CDH13: variants seen among roughly 807,000 people sequenced by gnomAD.
CDH13 encodes cadherin-13.
CDH13 carries 24 observed loss-of-function variants against 63.8 expected under a neutral mutation model. The observed-to-expected ratio is 0.38, with a 90% CI of 0.27 to 0.53. The LOEUF (loss-of-function observed/expected upper bound fraction) is 0.53, where lower values mean the gene tolerates loss of function less well. Ranked by LOEUF, CDH13 falls within the 20% of genes least tolerant of loss-of-function variation. CDH13 has a pLI of 0.85. For missense variants in CDH13, 1,049 were observed against 903.1 expected, an observed-to-expected ratio of 1.16 and a Z score of -2.07; for synonymous variants, 503 against 355.3, an observed-to-expected ratio of 1.42 and a Z score of -4.67.
chr16:83,186,504 C>T (rs1411001284), intron 4 of CDH13, among the ~76,000 whole-genome samples: 3 of 151,932 alleles, frequency 2.0e-5, no homozygotes, highest in African/African-American at 7.3e-5. Flanking sequence ...TTGAGGTTCT[C>T]TTGTGTTGCT....
At chr16:83,309,145 G>A (rs1191311002) in intron 5 of CDH13, among the ~76,000 whole-genome samples, 1 of 152,112 alleles carries the variant, frequency 6.6e-6, no homozygotes, top group Non-Finnish European at 1.5e-5. Context: ...ATGTACATGA[G>A]CCTCATTAGC....
At chr16:83,670,707 G>C in intron 8 of CDH13, 83 bp from the exon 9 acceptor site, 2 of 1,162,476 alleles carry the variant, frequency 1.7e-6, no homozygotes, top group Non-Finnish European at 2.6e-6. Flanking sequence ...GAGATGATGT[G>C]TGTAACATAC....
intron 7 of CDH13, among the ~76,000 whole-genome samples, chr16:83,565,601 G>C (rs1037833459): frequency 6.6e-6 from 1 of 151,926 alleles, no homozygotes; most frequent in African/African-American, 2.4e-5. Flanking sequence ...ATCTTTATGT[G>C]GTGGGTGAAG....
intron 3 of CDH13, among the ~76,000 whole-genome samples, chr16:83,056,350 A>G (rs1272447666): frequency 6.6e-6 from 1 of 152,198 alleles, no homozygotes; most frequent in Non-Finnish European, 1.5e-5. Context: ...TCTTACAAGA[A>G]AGTCCAGAAT....
chr16:82,951,739 G>A (rs1285733289), intron 2 of CDH13, among the ~76,000 whole-genome samples: 1 of 152,166 alleles, frequency 6.6e-6, no homozygotes, highest in Non-Finnish European at 1.5e-5. Flanking sequence ...TTTCTCTGAT[G>A]TCCATAACTG....
At chr16:83,178,276 C>A (rs1198720219) in intron 4 of CDH13, among the ~76,000 whole-genome samples, 1 of 152,072 alleles carries the variant, frequency 6.6e-6, no homozygotes, top group Non-Finnish European at 1.5e-5. Flanking sequence ...CATTAGCTAC[C>A]AGCAGCCCTC....
chr16:83,544,788 C>T (rs1201493005), intron 7 of CDH13, among the ~76,000 whole-genome samples: 2 of 152,130 alleles, frequency 1.3e-5, no homozygotes, highest in Admixed American at 1.3e-4. Flanking sequence ...TCTTTGTTTC[C>T]TCATCTGCAA....
At chr16:83,197,572 A>C (rs1567498499) in intron 4 of CDH13, among the ~76,000 whole-genome samples, 1 of 152,136 alleles carries the variant, frequency 6.6e-6, no homozygotes, top group South Asian at 2.1e-4. Flanking sequence ...AAATTATGGA[A>C]ATGGAGAACA....
chr16:83,512,156 C>T (rs1164789976), intron 7 of CDH13, among the ~76,000 whole-genome samples: 3 of 148,030 alleles, frequency 2.0e-5, no homozygotes, highest in Non-Finnish European at 4.5e-5. Flanking sequence ...TCCATCTGTC[C>T]TAAAAATACA....
At chr16:83,414,845 G>A (rs1325474099) in intron 6 of CDH13, among the ~76,000 whole-genome samples, 1 of 152,132 alleles carries the variant, frequency 6.6e-6, no homozygotes, top group African/African-American at 2.4e-5. Flanking sequence ...TGTACCTCTT[G>A]TGTATTGTGA....
intron 7 of CDH13, among the ~76,000 whole-genome samples, chr16:83,518,863 C>T (rs1598207099): frequency 6.6e-6 from 1 of 152,208 alleles, no homozygotes; most frequent in Non-Finnish European, 1.5e-5. Flanking sequence ...TCCCCTTTCA[C>T]CATGATTGTA....
At chr16:82,903,013 C>T (rs2041521224) in intron 2 of CDH13, among the ~76,000 whole-genome samples, 1 of 152,198 alleles carries the variant, frequency 6.6e-6, no homozygotes, top group Non-Finnish European at 1.5e-5. Flanking sequence ...TTCAGGCATT[C>T]TGTCTGACTC....
At chr16:83,507,965 G>A (rs2151597512) in intron 7 of CDH13, among the ~76,000 whole-genome samples, 1 of 151,404 alleles carries the variant, frequency 6.6e-6, no homozygotes, top group South Asian at 2.1e-4. Flanking sequence ...CCGGGAGGCA[G>A]AGGGTGCAGT....
intron 3 of CDH13, among the ~76,000 whole-genome samples, chr16:83,064,285 C>G (rs991910497): frequency 1.3e-5 from 2 of 152,140 alleles, no homozygotes; most frequent in African/African-American, 4.8e-5. Flanking sequence ...AGGAAAATCG[C>G]TTGAACCCGG....
chr16:83,281,077 A>T (rs1421698964), intron 5 of CDH13, among the ~76,000 whole-genome samples: 2 of 152,146 alleles, frequency 1.3e-5, no homozygotes, highest in Non-Finnish European at 1.5e-5. Flanking sequence ...GAAGCCAGGC[A>T]TTGACTTAAT....
chr16:82,714,206 T>G (rs2032180457), intron 1 of CDH13, among the ~76,000 whole-genome samples: 1 of 152,156 alleles, frequency 6.6e-6, no homozygotes, highest in African/African-American at 2.4e-5. Flanking sequence ...TGCCTCTGAC[T>G]CCACTTAAGC....
At chr16:82,632,113 G>A (rs1423098662) in intron 1 of CDH13, among the ~76,000 whole-genome samples, 1 of 152,176 alleles carries the variant, frequency 6.6e-6, no homozygotes, top group African/African-American at 2.4e-5. Context: ...GGCCGTACTT[G>A]ACAGGGCTGA....
chr16:82,983,289 A>G (rs1470805114), intron 2 of CDH13, among the ~76,000 whole-genome samples: 1 of 152,078 alleles, frequency 6.6e-6, no homozygotes, highest in Non-Finnish European at 1.5e-5. Context: ...TTTTCATCTC[A>G]GTTTGATAGC....
intron 4 of CDH13, among the ~76,000 whole-genome samples, chr16:83,149,542 G>A (rs781031832): frequency 5.9e-5 from 9 of 152,166 alleles, no homozygotes; most frequent in Non-Finnish European, 8.8e-5. Context: ...TGCTAGGTAC[G>A]TATTAGGTAG....
Sources: allele counts gnomAD v4.1 joint callset (sites outside exome capture counted in the v4.1 genomes callset), GRCh38; gene constraint gnomAD v4.1.1; transcripts MANE v1.5; gene names NCBI Gene and HGNC (gene_info 2026-07-23, HGNC 2026-07-21).